The following ST6GALNAC5 variants were observed in gnomAD, a reference collection of about 807,000 sequenced individuals.
ST6GALNAC5 encodes alpha-N-acetylgalactosaminide alpha-2,6-sialyltransferase 5.
A neutral mutation model predicts 33.6 loss-of-function variants in ST6GALNAC5; 27 were observed. The observed-to-expected ratio is 0.80, with a 90% confidence interval of 0.59 to 1.11. The LOEUF is 1.11. ST6GALNAC5 is among the 50% of genes least tolerant of loss of function. ST6GALNAC5 has a pLI of 0.00. For missense variants in ST6GALNAC5, 428 were observed against 454.0 expected, an observed-to-expected ratio of 0.94 and a Z score of 0.52; for synonymous variants, 194 against 171.2, an observed-to-expected ratio of 1.13 and a Z score of -1.04.
intron 2 of ST6GALNAC5, among the ~76,000 whole-genome samples, chr1:76,894,678 T>C (rs1266847564): frequency 6.6e-6 from 1 of 152,210 alleles, no homozygotes; most frequent in East Asian, 1.9e-4. Flanking sequence ...ACAGTTCATC[T>C]AAACTCTTTA....
intron 2 of ST6GALNAC5, among the ~76,000 whole-genome samples, chr1:76,919,400 C>G (rs1254498270): frequency 6.6e-6 from 1 of 152,066 alleles, no homozygotes; most frequent in Non-Finnish European, 1.5e-5. Context: ...CTAGATGGCT[C>G]CCCACATGCT....
At chr1:77,057,844 T>C (rs527993146) in intron 4 of ST6GALNAC5, among the ~76,000 whole-genome samples, 1 of 152,312 alleles carries the variant, frequency 6.6e-6, no homozygotes, top group South Asian at 2.1e-4. Context: ...CCTTGCTTGT[T>C]AGGGTTATGA....
chr1:76,981,777 C>T (rs1021864657), intron 2 of ST6GALNAC5, among the ~76,000 whole-genome samples: 4 of 152,062 alleles, frequency 2.6e-5, no homozygotes, highest in African/African-American at 7.2e-5. Flanking sequence ...CCTTCTGGGA[C>T]AAAGCTTCCA....
At chr1:76,964,957 A>G (rs1465720566) in intron 2 of ST6GALNAC5, among the ~76,000 whole-genome samples, 1 of 152,126 alleles carries the variant, frequency 6.6e-6, no homozygotes, top group East Asian at 1.9e-4. Context: ...TTATGGCTGC[A>G]TAGTATTCCA....
chr1:76,914,076 A>G (rs1281444787), intron 2 of ST6GALNAC5, among the ~76,000 whole-genome samples: 1 of 152,188 alleles, frequency 6.6e-6, no homozygotes, highest in African/African-American at 2.4e-5. Flanking sequence ...TCATGAGTGA[A>G]CTCCCATTCA....
chr1:77,011,956 A>T (rs1344856335), intron 2 of ST6GALNAC5, among the ~76,000 whole-genome samples: 1 of 152,196 alleles, frequency 6.6e-6, no homozygotes, highest in Non-Finnish European at 1.5e-5. Context: ...TATTAGTAAC[A>T]TCATTTTACA....
chr1:77,052,500 G>A (rs369881734), intron 4 of ST6GALNAC5, among the ~76,000 whole-genome samples: 3 of 150,586 alleles, frequency 2.0e-5, no homozygotes, highest in East Asian at 3.9e-4. Flanking sequence ...GATGTAGAGT[G>A]TTGGATGCAG....
intron 2 of ST6GALNAC5, among the ~76,000 whole-genome samples, chr1:76,950,192 G>T (rs1219438288): frequency 6.6e-6 from 1 of 152,052 alleles, no homozygotes; most frequent in Non-Finnish European, 1.5e-5. Flanking sequence ...GATGAGAACT[G>T]GCATCTTCTG....
rs1274569954 is a variant in ST6GALNAC5 at position 77,064,197 on chromosome 1, C to G, written c.*991C>G. 6.6e-6 allele frequency: 1 copy of G among 152,134 alleles called. No individual in the cohort carries two copies. Among genetic ancestry groups the G allele is most frequent in the Non-Finnish European group, 1.5e-5 (1 of 68,046 alleles). The allele number at this position is 152,134 out of a possible 1,614,324, so 9.4% of individuals were successfully genotyped here. A position where few individuals can be genotyped will look rare whatever the true frequency, so the allele number is the denominator to read the frequency against. ...CCCAAATCTAAACTTGTGGCCTCTT[C>G]TTGACCCATTTGAAGACTCTGCACT... On this transcript the variant is annotated 3_prime_UTR_variant, in exon 5 of 5. Coordinates refer to ENST00000477717, the MANE Select transcript of ST6GALNAC5 (RefSeq NM_030965.3).
intron 2 of ST6GALNAC5, among the ~76,000 whole-genome samples, chr1:77,034,453 T>C (rs1042380325): frequency 5.3e-5 from 8 of 152,140 alleles, no homozygotes; most frequent in South Asian, 4.1e-4. Context: ...TAAGATCATA[T>C]TCACAGGTAC....
At chr1:76,906,644 G>T (rs1166809769) in intron 2 of ST6GALNAC5, among the ~76,000 whole-genome samples, 1 of 151,968 alleles carries the variant, frequency 6.6e-6, no homozygotes, top group Non-Finnish European at 1.5e-5. Flanking sequence ...GATAACATAG[G>T]GTATAAACAG....
intron 2 of ST6GALNAC5, among the ~76,000 whole-genome samples, chr1:77,020,834 C>T (rs570869610): frequency 2.0e-5 from 3 of 152,318 alleles, no homozygotes; most frequent in South Asian, 2.1e-4. Flanking sequence ...TTAAAGGCTC[C>T]GTTACACCTC....
intron 2 of ST6GALNAC5, among the ~76,000 whole-genome samples, chr1:76,982,426 C>G (rs1263031120): frequency 6.6e-6 from 1 of 151,952 alleles, no homozygotes; most frequent in East Asian, 1.9e-4. Flanking sequence ...AACTGAAGAT[C>G]AAATTAATGA....
intron 2 of ST6GALNAC5, among the ~76,000 whole-genome samples, chr1:76,949,252 C>T (rs186083820): frequency 3.9e-5 from 6 of 152,206 alleles, no homozygotes; most frequent in Admixed American, 3.3e-4. Context: ...ACTGGGAATT[C>T]GTTTCTTCCC....
rs193232042 is a variant in ST6GALNAC5 at position 77,008,687 on chromosome 1, A to G, written c.262-35517A>G. Among the ~76,000 whole-genome samples the G allele has an allele frequency of 5.7e-3, 870 of 151,768 alleles. 10 individuals are homozygous for G. The highest frequency in any genetic ancestry group is 0.02 in the African/African-American group (840 of 41,394). The stretch of plus-strand genomic sequence containing the variant: ...TGGGATTACAGGTGCCCGCCACCAC[A>G]CCCGGTTAATTTTTGTATTTTGAGT... On this transcript the variant is annotated intron_variant, in intron 2 of 4. Transcript: ENST00000477717.
chr1:76,892,698 G>A (rs938523205), intron 2 of ST6GALNAC5, among the ~76,000 whole-genome samples: 1 of 152,186 alleles, frequency 6.6e-6, no homozygotes, highest in Non-Finnish European at 1.5e-5. Flanking sequence ...TTGATATAGA[G>A]GAAATTTGGG....
At chr1:76,917,889 G>A (rs1422730538) in intron 2 of ST6GALNAC5, among the ~76,000 whole-genome samples, 3 of 152,134 alleles carry the variant, frequency 2.0e-5, no homozygotes, top group East Asian at 1.9e-4. Context: ...TCAGTAGTAG[G>A]TGCTCCCTCT....
chr1:76,919,040 A>G (rs749721445), intron 2 of ST6GALNAC5, among the ~76,000 whole-genome samples: 21 of 152,096 alleles, frequency 1.4e-4, no homozygotes, highest in Non-Finnish European at 2.9e-4. Flanking sequence ...GGCCTTGTTT[A>G]TCTTTCTCTG....
chr1:77,051,262 C>G (rs913739238), intron 4 of ST6GALNAC5, among the ~76,000 whole-genome samples: 3 of 152,190 alleles, frequency 2.0e-5, no homozygotes, highest in East Asian at 1.9e-4. Context: ...AGATGAGAAA[C>G]AGCATCTAAT....
Sources: allele counts gnomAD v4.1 joint callset (sites outside exome capture counted in the v4.1 genomes callset), GRCh38; gene constraint gnomAD v4.1.1; transcripts MANE v1.5; gene names NCBI Gene and HGNC (gene_info 2026-07-23, HGNC 2026-07-21).